The following MDN1 variants were observed in gnomAD, a reference collection of about 807,000 sequenced individuals.
MDN1 encodes midasin.
Under a neutral mutation model 669.2 loss-of-function variants are expected in MDN1, and 266 were observed. The ratio of observed to expected loss-of-function variants is 0.40; its 90% CI spans 0.36 to 0.44. The LOEUF is 0.44. MDN1 is among the 20% of genes least tolerant of loss of function. The pLI, the probability that MDN1 is intolerant of heterozygous loss-of-function variation, is 1.00. For synonymous variants in MDN1, 2,385 were observed against 2,457.1 expected (o/e 0.97, Z 0.87); for missense variants, 5,940 against 6,754.0 (o/e 0.88, Z 4.22).
In MDN1 at chr6:89,676,204, C is replaced by T. The variant is rs1340114026; in HGVS notation, c.12543G>A (p.Leu4181=). 1 of 1,614,006 alleles carries T rather than the reference C, an allele frequency of 6.2e-7. No individual in the cohort carries two copies. Among genetic ancestry groups the T allele is most frequent in the East Asian group, 2.2e-5 (1 of 44,888 alleles). The change falls in exon 77 of 102, where the codon CTG becomes CTA. Residue 4181 remains leucine (L), a synonymous_variant. Transcript: ENST00000369393. ...VSSTQEADSR[L]LTEISSSWDG... ...CCCATGAAGACGAGATTTCTGTAAG[C>T]AGCCTGGAAAAGATATCAACATTGT... is the stretch of plus-strand genomic sequence containing the variant.
In MDN1 at chr6:89,732,705, A is replaced by G. The variant is rs1815677916; in HGVS notation, c.4794T>C (p.Cys1598=). The change falls in exon 34 of 102, where the codon TGT becomes TGC. Residue 1598 remains cysteine, a synonymous_variant. Coordinates refer to ENST00000369393, the MANE Select transcript of MDN1 (RefSeq NM_014611.3). ...WLTHQEFGRK[C]VVSIRDILSW... The stretch of plus-strand genomic sequence containing the variant: ...ACAGGATATCTCTGATACTGACCAC[A>G]CACTTTCTGCCAAACTCTTGGTGGG... 5.0e-6 allele frequency: 8 copies of G among 1,613,746 alleles called. No individual in the cohort carries two copies. In the African/African-American group the frequency reaches 6.7e-5, roughly 13 times the overall value.
chr6:89,649,538 A>T (rs541599861), intron 97 of MDN1, among the ~76,000 whole-genome samples: 11 of 152,348 alleles, frequency 7.2e-5, no homozygotes, highest in Admixed American at 2.6e-4. Flanking sequence ...AAGGCTCCTA[A>T]ACTTAATATT....
intron 44 of MDN1, among the ~76,000 whole-genome samples, chr6:89,716,134 A>G (rs190830487): frequency 2.6e-4 from 40 of 152,334 alleles, no homozygotes; most frequent in African/African-American, 7.9e-4. Context: ...ACATTCAGAT[A>G]AATGCTCCGT....
intron 73 of MDN1, among the ~76,000 whole-genome samples, chr6:89,682,776 CAAAAAAAAAAAA>C (rs1168971439): frequency 2.8e-5 from 1 of 35,298 alleles, no homozygotes; most frequent in East Asian, 1.2e-3. Flanking sequence ...CTCATCTCTA[CAAAAAAAAAAAA>C]AAAAAAAAAA....
intron 33 of MDN1, among the ~76,000 whole-genome samples, chr6:89,737,988 T>G (rs569505466): frequency 6.6e-6 from 1 of 152,248 alleles, no homozygotes; most frequent in East Asian, 1.9e-4. Context: ...CCTCCCAAAG[T>G]GCTGGGATTA....
chr6:89,699,922 G>C (rs1813027131), intron 57 of MDN1, 141 bp downstream of exon 57: 1 of 1,074,572 alleles, frequency 9.3e-7, no homozygotes, highest in African/African-American at 1.6e-5. Context: ...AATAAATTTT[G>C]GCTTTCCAAA....
At position 89,692,701 on chromosome 6, in the gene MDN1, T is replaced by C. The variant is rs1207892846; in HGVS notation, c.10329A>G (p.Pro3443=). The C allele has an allele frequency of 3.1e-6, 5 of 1,614,004 alleles. No individual in the cohort carries two copies. The Admixed American group carries it at 5.0e-5, about 16-fold the overall frequency. The change falls in exon 63 of 102, where the codon CCA becomes CCG. Residue 3443 remains proline, a synonymous_variant. Transcript: ENST00000369393. ...GTLATALLAF[P]SVGPTFPTYY... is the part of the protein sequence containing the mutation. Reference sequence around the variant, plus strand: ...AAGTCGGGAAGGTGGGGCCCACCGATGGGAAAGCCAGCAAGGCTGTGGCCA... The same window carrying C: ...AAGTCGGGAAGGTGGGGCCCACCGACGGGAAAGCCAGCAAGGCTGTGGCCA...
intron 71 of MDN1, 72 bp downstream of exon 71, chr6:89,684,804 T>A (rs2128307004): frequency 1.1e-6 from 1 of 949,782 alleles, no homozygotes; most frequent in Non-Finnish European, 1.7e-6. Flanking sequence ...GTTAAATGGA[T>A]AACAGGGTTA....
chr6:89,781,288 T>A, intron 10 of MDN1, 111 bp downstream of exon 10: 17 of 1,009,958 alleles, frequency 1.7e-5, no homozygotes, highest in South Asian at 1.5e-4. Context: ...GAGGCGGAGG[T>A]TGGAGTGAGC....
At chr6:89,737,559 T>C (rs1816055795) in intron 33 of MDN1, among the ~76,000 whole-genome samples, 3 of 152,086 alleles carry the variant, frequency 2.0e-5, no homozygotes, top group African/African-American at 7.2e-5. Flanking sequence ...GTTAGGAGTG[T>C]TGCCTTTTAT....
intron 13 of MDN1, 21 bp from the exon 14 acceptor site, chr6:89,772,742 G>A (rs1818163022): frequency 1.9e-6 from 3 of 1,609,050 alleles, no homozygotes; most frequent in South Asian, 2.2e-5. Flanking sequence ...GAAAAAAAGA[G>A]TTTAAAAACC....
Position 89,787,572 on chromosome 6 carries a change from GCTAT to G in MDN1, c.1334+278_1334+281del, listed in dbSNP as rs1365781770. Among the ~76,000 whole-genome samples the G allele has an allele frequency of 3.3e-5, 5 of 151,834 alleles. No individual in the cohort carries two copies. The East Asian group carries it at 9.6e-4, about 29-fold the overall frequency. On this transcript the variant is annotated intron_variant, in intron 8 of 101. Transcript: ENST00000369393. ...AGCAGTGTCAGGACTCAAACCCTGG[GCTAT>G]CTAACAATAACCTCACCTCTGATTA...
chr6:89,698,757 C>T (rs1393757025), intron 59 of MDN1, 108 bp downstream of exon 59: 9 of 1,025,810 alleles, frequency 8.8e-6, no homozygotes, highest in Non-Finnish European at 1.3e-5. Context: ...GTGTTGCAAT[C>T]ACCTGTTTAG....
At chr6:89,644,746 A>C (rs1808373614) in intron 101 of MDN1, among the ~76,000 whole-genome samples, 1 of 152,194 alleles carries the variant, frequency 6.6e-6, no homozygotes, top group African/African-American at 2.4e-5. Flanking sequence ...GGTCATTCTG[A>C]ATCTTGGCTC....
chr6:89,727,173 C>T (rs1462796303), intron 37 of MDN1, among the ~76,000 whole-genome samples: 1 of 152,196 alleles, frequency 6.6e-6, no homozygotes, highest in Admixed American at 6.5e-5. Flanking sequence ...AGTCCCACAG[C>T]ACCCTCTCTG....
intron 88 of MDN1, among the ~76,000 whole-genome samples, chr6:89,661,041 T>G (rs980853807): frequency 5.3e-5 from 8 of 152,180 alleles, no homozygotes; most frequent in African/African-American, 1.9e-4. Flanking sequence ...ACTGAAACCA[T>G]CATTTCCCTA....
intron 17 of MDN1, among the ~76,000 whole-genome samples, chr6:89,760,506 G>A (rs911240528): frequency 6.6e-6 from 1 of 151,998 alleles, no homozygotes; most frequent in African/African-American, 2.4e-5. Context: ...AAAACAATAT[G>A]TCGAAGGGAT....
intron 93 of MDN1, among the ~76,000 whole-genome samples, chr6:89,653,928 C>T (rs1473411124): frequency 6.6e-6 from 1 of 152,052 alleles, no homozygotes; most frequent in East Asian, 1.9e-4. Context: ...GAGATTTTGC[C>T]AGAAATTCAA....
Position 89,776,634 on chromosome 6 carries a change from A to G in MDN1, c.1787T>C (p.Val596Ala). ...EHTSKLKMAE[V>A]IGSKLNISRK... ...AGAAATGTTCAATTTGCTTCCAATAACTTCTGCCATTTTCAGTTTGCTTGT... is the reference window on the plus strand; with the variant it reads ...AGAAATGTTCAATTTGCTTCCAATAGCTTCTGCCATTTTCAGTTTGCTTGT... The change falls in exon 12 of 102, where the codon GTT becomes GCT. Residue 596 changes from valine to alanine, a missense_variant. Val to Ala is a moderately conservative substitution (Grantham distance 64, BLOSUM62 0). This residue lies in a region of MDN1 where 1,203 missense variants were observed against 1,268.9 expected (regional missense o/e 0.95). Transcript: ENST00000369393. 2.5e-6 allele frequency: 4 copies of G among 1,613,164 alleles called. No homozygotes were observed. The highest frequency in any genetic ancestry group is 3.4e-6 in the Non-Finnish European group (4 of 1,179,212).
Sources: allele counts gnomAD v4.1 joint callset (sites outside exome capture counted in the v4.1 genomes callset), GRCh38; gene constraint gnomAD v4.1.1; regional missense constraint gnomAD v4.1.1; transcripts MANE v1.5; gene names NCBI Gene and HGNC (gene_info 2026-07-23, HGNC 2026-07-21).